TRPM3: variants seen among roughly 807,000 people sequenced by gnomAD.
The protein encoded by TRPM3 is long transient receptor potential channel 3.
Under a neutral mutation model 181.2 loss-of-function variants are expected in TRPM3, and 77 were observed. The ratio of observed to expected loss-of-function variants is 0.42; its 90% CI spans 0.35 to 0.51. The LOEUF is 0.51. TRPM3 is among the 20% of genes least tolerant of loss of function. The pLI, the probability that TRPM3 is intolerant of heterozygous loss-of-function variation, is 0.01. For synonymous variants in TRPM3, 745 were observed against 796.4 expected, an observed-to-expected ratio of 0.94 and a Z score of 1.09; for missense variants, 1,759 against 2,196.7, an observed-to-expected ratio of 0.80 and a Z score of 3.98.
chr9:71,033,059 G>A (rs945851696), intron 1 of TRPM3, among the ~76,000 whole-genome samples: 1 of 152,188 alleles, frequency 6.6e-6, no homozygotes, highest in Non-Finnish European at 1.5e-5. Flanking sequence ...AGTTCACTGA[G>A]AAGTCATCTC....
Position 70,640,590 on chromosome 9 carries a change from G to A in TRPM3, c.1416C>T (p.Ser472=), listed in dbSNP as rs767103779. 29 of 1,613,564 alleles carry A rather than the reference G, an allele frequency of 1.8e-5. No homozygotes were observed. The highest frequency in any genetic ancestry group is 1.6e-4 in the Middle Eastern group (1 of 6,080). ...ACTGTTGCCCGTAAATAAAGATCTG[G>A]CTGCGAGCGATGTCGACTCTGTTCC... ...LAWNRVDIAR[S]QIFIYGQQWP... is the part of the protein sequence containing the mutation. The change falls in exon 10 of 26, where the codon AGC becomes AGT. Residue 472 remains serine, a synonymous_variant. Transcript: ENST00000677713.
At chr9:71,077,207 G>A (rs2063582680) in intron 1 of TRPM3, among the ~76,000 whole-genome samples, 1 of 152,128 alleles carries the variant, frequency 6.6e-6, no homozygotes, top group Non-Finnish European at 1.5e-5. Context: ...TCCCGTATTA[G>A]TGCCCAGGAA....
chr9:70,686,511 A>G (rs1266718858), intron 8 of TRPM3, among the ~76,000 whole-genome samples: 1 of 151,760 alleles, frequency 6.6e-6, no homozygotes, highest in East Asian at 1.9e-4. Context: ...CTTTATTTTG[A>G]TCCTGTATGG....
At chr9:70,589,514 A>T (rs1412391016) in intron 22 of TRPM3, among the ~76,000 whole-genome samples, 1 of 152,224 alleles carries the variant, frequency 6.6e-6, no homozygotes, top group African/African-American at 2.4e-5. Context: ...TAGCACATTT[A>T]ATCTCTGAGG....
In TRPM3 at chr9:70,681,423, T is replaced by C. The variant is rs958865013; in HGVS notation, c.1345+83A>G. ...ATTGTGTCATAGTATCATTTGGGAT[T>C]ATATCTATTATTAGGAGACATAAGG... On this transcript the variant is annotated intron_variant, in intron 9 of 25. Coordinates refer to ENST00000677713, the MANE Select transcript of TRPM3 (RefSeq NM_001366145.2). 34 of 1,148,914 alleles carry C rather than the reference T, an allele frequency of 3.0e-5. No individual in the cohort carries two copies. The Admixed American group carries it at 5.9e-4, about 20-fold the overall frequency. The allele number at this position is 1,148,914 out of a possible 1,614,324, so 71.2% of individuals were successfully genotyped here.
intron 18 of TRPM3, among the ~76,000 whole-genome samples, chr9:70,614,193 A>G (rs966504943): frequency 1.3e-5 from 2 of 151,882 alleles, no homozygotes; most frequent in African/African-American, 4.8e-5. Flanking sequence ...CAGCTTCCTC[A>G]TTTGTAAAAT....
rs533560001 is a variant in TRPM3, at chr9:70,819,432, G to A, written c.973+8415C>T. 7.2e-5 allele frequency among the ~76,000 whole-genome samples: 11 copies of A among 152,204 alleles called. No homozygotes were observed. The East Asian group carries it at 1.9e-3, about 27-fold the overall frequency. ...TTTTATGAATCCAGCAATCCTTTCT[G>A]CTACTTGTTTACTTAGAAATGCTAA... On this transcript the variant is annotated intron_variant, in intron 6 of 25. Coordinates refer to ENST00000677713, the MANE Select transcript of TRPM3 (RefSeq NM_001366145.2).
chr9:70,552,773 C>G, intron 24 of TRPM3, 71 bp downstream of exon 24: 1 of 1,537,766 alleles, frequency 6.5e-7, no homozygotes, highest in South Asian at 1.1e-5. Context: ...GCATGCGATT[C>G]TGCGTGATTG....
rs995624796 is a variant in TRPM3 at position 71,102,380 on chromosome 9, C to T, written c.177+18798G>A. ...AGATATTTGTTGAACACGTTTTCCC[C>T]TAAGAACATTTCAAAATGTTAAAAT... On this transcript the variant is annotated intron_variant, in intron 1 of 25. Transcript: ENST00000677713. Among the ~76,000 whole-genome samples, 58 of 152,294 alleles carry T rather than the reference C, an allele frequency of 3.8e-4. 1 individual carries two copies. Among genetic ancestry groups the T allele is most frequent in the South Asian group, 2.1e-3 (10 of 4,826 alleles).
In TRPM3 at chr9:70,533,198, C is replaced by T. The variant is rs1564168990; in HGVS notation, c.*2755G>A. 6.6e-6 allele frequency: 1 copy of T among 152,102 alleles called. No individual in the cohort carries two copies. Among genetic ancestry groups the T allele is most frequent in the Non-Finnish European group, 1.5e-5 (1 of 68,040 alleles). The allele number at this position is 152,102 out of a possible 1,614,324, so 9.4% of individuals were successfully genotyped here. A position where few individuals can be genotyped will look rare whatever the true frequency, so the allele number is the denominator to read the frequency against. On this transcript the variant is annotated 3_prime_UTR_variant, in exon 26 of 26. Coordinates refer to ENST00000677713, the MANE Select transcript of TRPM3 (RefSeq NM_001366145.2). ...AACACTTGAGCTGAAAATTTCTTTC[C>T]CTCACTTCCAATCTGGCCCAGAATG...
intron 1 of TRPM3, among the ~76,000 whole-genome samples, chr9:71,181,185 C>A (rs1336834661): frequency 1.3e-5 from 2 of 152,106 alleles, no homozygotes; most frequent in Admixed American, 1.3e-4. Flanking sequence ...ATCACACTCA[C>A]TCGCCATTTG....
intron 1 of TRPM3, among the ~76,000 whole-genome samples, chr9:71,438,640 C>T (rs2094086778): frequency 6.6e-6 from 1 of 151,968 alleles, no homozygotes; most frequent in Non-Finnish European, 1.5e-5. Context: ...GCCACTGCAC[C>T]CCAGCCTGGG....
chr9:71,267,074 G>A (rs1340491939), intron 1 of TRPM3, among the ~76,000 whole-genome samples: 1 of 152,022 alleles, frequency 6.6e-6, no homozygotes, highest in African/African-American at 2.4e-5. Context: ...GCAAATTCAT[G>A]GAGAGTCCCG....
intron 1 of TRPM3, among the ~76,000 whole-genome samples, chr9:71,101,196 T>G (rs1420302392): frequency 6.6e-6 from 1 of 152,152 alleles, no homozygotes; most frequent in Non-Finnish European, 1.5e-5. Flanking sequence ...ATTTCAGGAT[T>G]GATATTGTGG....
chr9:70,540,789 C>A (rs866661970), intron 25 of TRPM3, among the ~76,000 whole-genome samples: 52 of 152,200 alleles, frequency 3.4e-4, no homozygotes, highest in African/African-American at 1.2e-3. Context: ...GTGGCACGAT[C>A]ATGGTTCACT....
At chr9:70,944,049 C>T (rs1463079566) in intron 1 of TRPM3, among the ~76,000 whole-genome samples, 1 of 152,196 alleles carries the variant, frequency 6.6e-6, no homozygotes, top group Non-Finnish European at 1.5e-5. Flanking sequence ...TCCCAAAGTG[C>T]TGGAACTACA....
intron 9 of TRPM3, among the ~76,000 whole-genome samples, chr9:70,680,116 A>C (rs988073590): frequency 6.6e-6 from 1 of 152,172 alleles, no homozygotes; most frequent in African/African-American, 2.4e-5. Flanking sequence ...GGGTGAAGAG[A>C]ACTGACAAAT....
At chr9:70,866,735 G>A (rs1354213326) in intron 1 of TRPM3, among the ~76,000 whole-genome samples, 1 of 152,018 alleles carries the variant, frequency 6.6e-6, no homozygotes, top group Non-Finnish European at 1.5e-5. Context: ...CCTCTTCTAT[G>A]TCACATGGAT....
intron 9 of TRPM3, among the ~76,000 whole-genome samples, chr9:70,642,673 T>A (rs1159989001): frequency 6.6e-6 from 1 of 152,262 alleles, no homozygotes; most frequent in East Asian, 1.9e-4. Context: ...TACTGCGCTG[T>A]GTGCCTCCTT....
Sources: gnomAD v4.1 joint callset for allele counts (sites outside exome capture counted in the v4.1 genomes callset) on GRCh38, gnomAD v4.1.1 for gene constraint, MANE v1.5 for transcripts, NCBI Gene and HGNC (gene_info 2026-07-23, HGNC 2026-07-21) for gene names.